The following LANCL3 variants were observed in gnomAD, a reference collection of about 807,000 sequenced individuals.
The protein encoded by LANCL3 is lanC-like protein 3.
In LANCL3, 19 loss-of-function variants were observed where a neutral mutation model predicts 26.5. That is an observed-to-expected ratio of 0.72 (90% confidence interval 0.50 to 1.05). LANCL3 has a LOEUF of 1.05. Among genes scored for constraint, LANCL3 ranks in the 50% least tolerant of loss-of-function variants. The pLI is 0.00. For synonymous variants in LANCL3, 160 were observed against 166.6 expected, an observed-to-expected ratio of 0.96 and a Z score of 0.30; for missense variants, 318 against 362.7, an observed-to-expected ratio of 0.88 and a Z score of 1.00.
rs144390182 is a variant in LANCL3, at chrX:37,663,128, A to G, written c.895+3469A>G. On this transcript the variant is annotated intron_variant, in intron 3 of 4. Coordinates refer to ENST00000378619, the MANE Select transcript of LANCL3 (RefSeq NM_001170331.2). ...AAATGGGGCACTTTATGGTCAACAG[A>G]CATGTATGAGGTTCTTGGCATTTGC... Among the ~76,000 whole-genome samples the G allele has an allele frequency of 1.6e-3, 182 of 112,557 alleles. 1 individual carries two copies. The highest frequency in any genetic ancestry group is 5.5e-3 in the African/African-American group (170 of 31,007).
At chrX:37,664,549 T>A (rs1226355379) in intron 3 of LANCL3, among the ~76,000 whole-genome samples, 1 of 111,329 alleles carries the variant, frequency 9.0e-6, no homozygotes, top group Non-Finnish European at 1.9e-5. Flanking sequence ...AATTAACCAC[T>A]TTATTATTTT....
chrX:37,620,027 A>G (rs1341198050), intron 1 of LANCL3, among the ~76,000 whole-genome samples: 1 of 112,270 alleles, frequency 8.9e-6, no homozygotes, highest in East Asian at 2.8e-4. Context: ...CTACCTAGAA[A>G]CGTCTTTCCC....
chrX:37,659,804 A>G, intron 3 of LANCL3, 145 bp downstream of exon 3: 1 of 491,474 alleles, frequency 2.0e-6, no homozygotes, highest in Admixed American at 3.7e-5. Context: ...TCAAAGCCAA[A>G]TGTCCTGATC....
intron 1 of LANCL3, among the ~76,000 whole-genome samples, chrX:37,575,120 T>C (rs782264691): frequency 1.9e-5 from 2 of 107,022 alleles, no homozygotes; most frequent in East Asian, 5.8e-4. Flanking sequence ...AGAGACAGAG[T>C]TTCACCACGT....
At chrX:37,614,142 C>T (rs781785636) in intron 1 of LANCL3, among the ~76,000 whole-genome samples, 1 of 111,600 alleles carries the variant, frequency 9.0e-6, no homozygotes, top group Non-Finnish European at 1.9e-5. Context: ...CTCTTTTGTC[C>T]TTGGTTCTTG....
chrX:37,631,623 A>C (rs1256481774), intron 1 of LANCL3, among the ~76,000 whole-genome samples: 2 of 109,740 alleles, frequency 1.8e-5, no homozygotes, highest in Non-Finnish European at 3.8e-5. Flanking sequence ...ACTGCTTTGA[A>C]TGTGTCCCAG....
chrX:37,638,080 T>G (rs981309140), intron 1 of LANCL3, among the ~76,000 whole-genome samples: 5 of 110,965 alleles, frequency 4.5e-5, no homozygotes, highest in Admixed American at 3.8e-4. Flanking sequence ...AAGAGAGAGA[T>G]AATATGATGG....
Position 37,618,381 on chromosome X carries a change from A to T in LANCL3, c.574-37307A>T, listed in dbSNP as rs782120093. ...AAGGGGAACACTATTAGTGGTGATT[A>T]GTGGCTTGCCTCTTCACTTCCTGCC... On this transcript the variant is annotated intron_variant, in intron 1 of 4. Transcript: ENST00000378619. 1.2e-3 allele frequency among the ~76,000 whole-genome samples: 135 copies of T among 112,087 alleles called. 2 individuals carry two copies. Among genetic ancestry groups the T allele is most frequent in the African/African-American group, 4.2e-3 (129 of 30,877 alleles).
intron 1 of LANCL3, among the ~76,000 whole-genome samples, chrX:37,642,920 G>A (rs2146768184): frequency 8.9e-6 from 1 of 112,353 alleles, no homozygotes; most frequent in South Asian, 3.7e-4. Context: ...TTGACAATAA[G>A]CAACTATTCA....
At chrX:37,656,201 AAC>A (rs782151624) in intron 2 of LANCL3, among the ~76,000 whole-genome samples, 1 of 110,358 alleles carries the variant, frequency 9.1e-6, no homozygotes, top group East Asian at 2.8e-4. Context: ...GTGTGTTTAT[AAC>A]AGACTATTGA....
chrX:37,641,051 A>T (rs1197490017), intron 1 of LANCL3, among the ~76,000 whole-genome samples: 2 of 111,578 alleles, frequency 1.8e-5, no homozygotes, highest in African/African-American at 6.5e-5. Flanking sequence ...ATAGAAAATG[A>T]TTCTATCTGA....
intron 1 of LANCL3, among the ~76,000 whole-genome samples, chrX:37,593,404 G>T (rs1460188252): frequency 2.7e-5 from 3 of 112,069 alleles, no homozygotes; most frequent in African/African-American, 9.7e-5. Flanking sequence ...TCATAAAAAA[G>T]CTAAAGTTTC....
rs114548349 is a variant in LANCL3 at position 37,580,437 on chromosome X, A to G, written c.573+7994A>G. ...TTTTTATCTTTAATTCACAATCATT[A>G]TATATATTTATGGAGTATAATGTAA... On this transcript the variant is annotated intron_variant, in intron 1 of 4. Coordinates refer to ENST00000378619, the MANE Select transcript of LANCL3 (RefSeq NM_001170331.2). Among the ~76,000 whole-genome samples, 915 of 111,827 alleles carry G rather than the reference A, an allele frequency of 8.2e-3. 15 individuals are homozygous for G. The highest frequency in any genetic ancestry group is 0.028 in the African/African-American group (877 of 30,791).
intron 1 of LANCL3, among the ~76,000 whole-genome samples, chrX:37,652,308 A>G (rs1043420783): frequency 9.1e-6 from 1 of 110,393 alleles, no homozygotes. Flanking sequence ...TTTTTCAAAG[A>G]AAGTCATCTC....
intron 1 of LANCL3, among the ~76,000 whole-genome samples, chrX:37,592,359 G>T (rs1924310767): frequency 8.9e-6 from 1 of 112,478 alleles, no homozygotes; most frequent in Non-Finnish European, 1.9e-5. Context: ...AACTTTTTAG[G>T]ATGAAACTGT....
At chrX:37,626,255 TAA>T (rs1212792519) in intron 1 of LANCL3, among the ~76,000 whole-genome samples, 3 of 112,239 alleles carry the variant, frequency 2.7e-5, no homozygotes, top group African/African-American at 9.7e-5. Context: ...TGAGTTGGTG[TAA>T]AGATAGACAG....
At chrX:37,621,950 G>A (rs1302598402) in intron 1 of LANCL3, among the ~76,000 whole-genome samples, 3 of 111,673 alleles carry the variant, frequency 2.7e-5, no homozygotes, top group African/African-American at 9.8e-5. Flanking sequence ...ATAGTTCACA[G>A]TTCTGTGGCC....
At chrX:37,641,446 C>T (rs887942598) in intron 1 of LANCL3, among the ~76,000 whole-genome samples, 2 of 110,355 alleles carry the variant, frequency 1.8e-5, no homozygotes, top group African/African-American at 6.6e-5. Context: ...CGACATACCC[C>T]GTAGCTTTAG....
chrX:37,572,093 A>G lies in LANCL3; in HGVS notation c.223A>G (p.Met75Val). 3 of 1,187,424 alleles carry G rather than the reference A, an allele frequency of 2.5e-6. No homozygotes were observed. The highest frequency in any genetic ancestry group is 3.4e-6 in the Non-Finnish European group (3 of 887,057). ...LYGGVAGVAY[M>V]LYHVSQSPLF... ...TGGCGGCGTGGCCGGAGTGGCGTAT[A>G]TGCTCTACCACGTCTCGCAGAGCCC... The change falls in exon 1 of 5, where the codon ATG becomes GTG. Residue 75 changes from methionine (M) to valine (V), a missense_variant. Transcript: ENST00000378619.
Sources: gnomAD v4.1 joint callset for allele counts (sites outside exome capture counted in the v4.1 genomes callset) on GRCh38, gnomAD v4.1.1 for gene constraint, MANE v1.5 for transcripts, NCBI Gene and HGNC (gene_info 2026-07-23, HGNC 2026-07-21) for gene names.